The following ANKFN1 variants were observed in gnomAD, a reference collection of about 807,000 sequenced individuals.
The protein encoded by ANKFN1 is ankyrin repeat and fibronectin type III domain containing 1, also known as ankyrin repeat and fibronectin type-III domain-containing protein 1.
Under a neutral mutation model 108.7 loss-of-function variants are expected in ANKFN1, and 74 were observed. The observed-to-expected ratio is 0.68, with a 90% CI of 0.56 to 0.83. The LOEUF (loss-of-function observed/expected upper bound fraction) is 0.83, where lower values mean the gene tolerates loss of function less well. Ranked by LOEUF, ANKFN1 falls within the 40% of genes least tolerant of loss-of-function variation. ANKFN1 has a pLI of 0.00. For missense variants in ANKFN1, 1,505 were observed against 1,382.3 expected, an observed-to-expected ratio of 1.09 and a Z score of -1.41; for synonymous variants, 547 against 516.2, an observed-to-expected ratio of 1.06 and a Z score of -0.81.
At chr17:56,194,901 A>G (rs1156265836) in intron 1 of ANKFN1, among the ~76,000 whole-genome samples, 1 of 152,256 alleles carries the variant, frequency 6.6e-6, no homozygotes, top group Non-Finnish European at 1.5e-5. Context: ...ATAAAAATCT[A>G]TTTAAAACAA....
intron 4 of ANKFN1, among the ~76,000 whole-genome samples, chr17:56,128,011 C>G (rs1907039002): frequency 6.6e-6 from 1 of 152,224 alleles, no homozygotes; most frequent in African/African-American, 2.4e-5. Flanking sequence ...CCTCAAACTT[C>G]ACAGAAGAAT....
At chr17:56,214,485 T>TA (rs935247983) in intron 2 of ANKFN1, among the ~76,000 whole-genome samples, 1 of 152,318 alleles carries the variant, frequency 6.6e-6, no homozygotes, top group East Asian at 1.9e-4. Flanking sequence ...TTTCTTGTAT[T>TA]AAAAAATGGG....
At chr17:56,146,608 G>A (rs115865386) in intron 4 of ANKFN1, among the ~76,000 whole-genome samples, 3,829 of 152,320 alleles carry the variant, frequency 0.025, 174 homozygotes, top group African/African-American at 0.088. Flanking sequence ...ACCCCCTGAA[G>A]CAATGGCCTG....
chr17:56,270,730 T>C (rs190625955), intron 3 of ANKFN1, among the ~76,000 whole-genome samples: 1,717 of 152,326 alleles, frequency 0.011, 21 homozygotes, highest in South Asian at 0.017. Flanking sequence ...TCTACTGCAG[T>C]GAAAGAGCTT....
intron 1 of ANKFN1, chr17:56,174,240 G>A: frequency 1.0e-6 from 1 of 985,478 alleles, no homozygotes; most frequent in Non-Finnish European, 1.2e-6. Context: ...GCTCTTCAAA[G>A]ACTTGTGAGC....
chr17:56,050,804 A>T (rs1377209605), intron 4 of ANKFN1, among the ~76,000 whole-genome samples: 2 of 152,160 alleles, frequency 1.3e-5, no homozygotes, highest in African/African-American at 4.8e-5. Flanking sequence ...ACGCAAATAA[A>T]CTAGAAAATC....
intron 3 of ANKFN1, among the ~76,000 whole-genome samples, chr17:56,249,157 A>G (rs2043180549): frequency 6.6e-6 from 1 of 152,166 alleles, no homozygotes; most frequent in South Asian, 2.1e-4. Context: ...AAGACATAAA[A>G]GAAACTCTGA....
At chr17:56,303,575 T>C (rs983808442) in intron 3 of ANKFN1, among the ~76,000 whole-genome samples, 1 of 152,204 alleles carries the variant, frequency 6.6e-6, no homozygotes, top group Middle Eastern at 3.2e-3. Flanking sequence ...AAGCAGGCTA[T>C]TTTCACAGTG....
chr17:56,383,672 C>T (rs2047172611), intron 8 of ANKFN1, among the ~76,000 whole-genome samples: 1 of 152,148 alleles, frequency 6.6e-6, no homozygotes, highest in Admixed American at 6.5e-5. Flanking sequence ...CACAGAAATA[C>T]AAACTACCAT....
At chr17:56,317,760 C>G (rs944154389) in intron 3 of ANKFN1, among the ~76,000 whole-genome samples, 1 of 152,158 alleles carries the variant, frequency 6.6e-6, no homozygotes, top group Admixed American at 6.5e-5. Flanking sequence ...GCAGTCAACA[C>G]ATAATCAGAC....
At chr17:56,416,275 T>C (rs2048238755) in intron 8 of ANKFN1, among the ~76,000 whole-genome samples, 1 of 152,042 alleles carries the variant, frequency 6.6e-6, no homozygotes, top group Non-Finnish European at 1.5e-5. Flanking sequence ...ACCCACAGAA[T>C]GGGAGAAAAT....
intron 3 of ANKFN1, among the ~76,000 whole-genome samples, chr17:56,320,566 TGGG>T (rs1387290021): frequency 6.6e-6 from 1 of 152,106 alleles, no homozygotes; most frequent in Non-Finnish European, 1.5e-5. Context: ...CGGCATGGTG[TGGG>T]GGATCCTGGG....
intron 3 of ANKFN1, among the ~76,000 whole-genome samples, chr17:56,282,583 G>A (rs2044112075): frequency 6.6e-6 from 1 of 152,174 alleles, no homozygotes; most frequent in African/African-American, 2.4e-5. Context: ...GATTGCAATA[G>A]TGAACTAATG....
chr17:56,316,359 T>G (rs147352752), intron 3 of ANKFN1, among the ~76,000 whole-genome samples: 1 of 152,272 alleles, frequency 6.6e-6, no homozygotes, highest in African/African-American at 2.4e-5. Context: ...CCAAGGAGAC[T>G]TTTCCATTTG....
chr17:56,179,339 C>G (rs1002105076), intron 1 of ANKFN1, among the ~76,000 whole-genome samples: 3 of 152,152 alleles, frequency 2.0e-5, no homozygotes, highest in African/African-American at 4.8e-5. Context: ...TTTTCTTAGC[C>G]AGGAGAAATA....
chr17:56,334,153 C>T (rs759804979), intron 4 of ANKFN1, among the ~76,000 whole-genome samples: 2 of 151,938 alleles, frequency 1.3e-5, no homozygotes, highest in South Asian at 2.1e-4. Context: ...ACTACTGACA[C>T]GAAGAGTATA....
At chr17:56,423,750 G>A (rs558510253) in intron 8 of ANKFN1, among the ~76,000 whole-genome samples, 2 of 152,080 alleles carry the variant, frequency 1.3e-5, no homozygotes, top group African/African-American at 2.4e-5. Flanking sequence ...TTGGTCATTG[G>A]CACTTCAGCA....
At position 56,212,666 on chromosome 17, in the gene ANKFN1, A is replaced by G. The variant is rs1915102128; in HGVS notation, c.-2A>G. Reference sequence around the variant, plus strand: ...GAGACCAGGAGCCTGTGGGCAGGCTACATGAATGAGAAGGTTAGTTTTTCC... The same window carrying G: ...GAGACCAGGAGCCTGTGGGCAGGCTGCATGAATGAGAAGGTTAGTTTTTCC... On this transcript the variant is annotated 5_prime_UTR_variant, in exon 2 of 21. Coordinates refer to ENST00000682825, the MANE Select transcript of ANKFN1 (RefSeq NM_001370326.1). 6.6e-6 allele frequency among the ~76,000 whole-genome samples: 1 copy of G among 152,332 alleles called. No homozygotes were observed. Among genetic ancestry groups the G allele is most frequent in the East Asian group, 1.9e-4 (1 of 5,186 alleles).
intron 8 of ANKFN1, among the ~76,000 whole-genome samples, chr17:56,419,944 TAGAC>T (rs369097651): frequency 4.6e-5 from 7 of 152,250 alleles, no homozygotes; most frequent in South Asian, 2.1e-4. Context: ...TAGTCCTAAA[TAGAC>T]AGACAATCTT....
Sources: gnomAD v4.1 joint callset for allele counts (sites outside exome capture counted in the v4.1 genomes callset) on GRCh38, gnomAD v4.1.1 for gene constraint, MANE v1.5 for transcripts, NCBI Gene and HGNC (gene_info 2026-07-23, HGNC 2026-07-21) for gene names.